Variants in CNTNAP2 observed in about 807,000 individuals in gnomAD.
CNTNAP2 encodes the protein contactin associated protein 2.
CNTNAP2 carries 98 observed loss-of-function variants against 155.2 expected under a neutral mutation model. The observed-to-expected ratio is 0.63, with a 90% confidence interval of 0.54 to 0.75. The LOEUF is 0.75. Among genes scored for constraint, CNTNAP2 ranks in the 30% least tolerant of loss-of-function variants. CNTNAP2 has a pLI of 0.00. For missense variants in CNTNAP2, 1,727 were observed against 1,688.1 expected (o/e 1.02, Z -0.40); for synonymous variants, 651 against 631.2 (o/e 1.03, Z -0.47).
chr7:148,064,213 G>A (rs1021787364), intron 15 of CNTNAP2, among the ~76,000 whole-genome samples: 1 of 151,952 alleles, frequency 6.6e-6, no homozygotes, highest in South Asian at 2.1e-4. Flanking sequence ...GGCCATGTGG[G>A]CTCTTTTTTA....
intron 1 of CNTNAP2, among the ~76,000 whole-genome samples, chr7:146,530,351 A>G (rs1404614360): frequency 6.6e-6 from 1 of 152,232 alleles, no homozygotes; most frequent in South Asian, 2.1e-4. Flanking sequence ...CATCAAAAGC[A>G]ATGACAGCAA....
chr7:146,712,363 T>C (rs1271785628), intron 1 of CNTNAP2, among the ~76,000 whole-genome samples: 1 of 143,772 alleles, frequency 7.0e-6, no homozygotes, highest in Non-Finnish European at 1.5e-5. Context: ...GTATACTATA[T>C]AGTATACATA....
intron 15 of CNTNAP2, among the ~76,000 whole-genome samples, chr7:148,083,031 T>C (rs959191624): frequency 3.9e-5 from 6 of 152,034 alleles, no homozygotes; most frequent in African/African-American, 9.7e-5. Flanking sequence ...TAGCTTTAGA[T>C]TCTGGGACAG....
chr7:146,158,214 C>G (rs1229768958), intron 1 of CNTNAP2, among the ~76,000 whole-genome samples: 1 of 152,138 alleles, frequency 6.6e-6, no homozygotes, highest in Non-Finnish European at 1.5e-5. Context: ...AAAGGACACC[C>G]ACACCAAAAC....
At chr7:148,232,816 C>A (rs544017769) in intron 20 of CNTNAP2, among the ~76,000 whole-genome samples, 359 of 152,308 alleles carry the variant, frequency 2.4e-3, no homozygotes, top group Middle Eastern at 0.01. Context: ...GGTTTACTTT[C>A]GTAGCTGGGT....
chr7:147,726,753 G>A (rs1335951269), intron 13 of CNTNAP2, among the ~76,000 whole-genome samples: 2 of 151,856 alleles, frequency 1.3e-5, no homozygotes, highest in Non-Finnish European at 2.9e-5. Context: ...ATACATTTCT[G>A]TTACATTAGG....
chr7:146,266,298 T>G (rs1257217934), intron 1 of CNTNAP2, among the ~76,000 whole-genome samples: 1 of 152,172 alleles, frequency 6.6e-6, no homozygotes, highest in Admixed American at 6.5e-5. Context: ...TGATCCTGAG[T>G]GTCTAGCCTT....
chr7:147,474,217 G>A (rs1392570249), intron 10 of CNTNAP2, among the ~76,000 whole-genome samples: 1 of 97,454 alleles, frequency 1.0e-5, no homozygotes, highest in Admixed American at 1.2e-4. Context: ...CACCACCCTG[G>A]GCCCAAGGAT....
chr7:147,452,439 T>C (rs1797848812), intron 10 of CNTNAP2, among the ~76,000 whole-genome samples: 4 of 152,152 alleles, frequency 2.6e-5, no homozygotes, highest in African/African-American at 9.7e-5. Context: ...ATAATGTACA[T>C]TGTTAGTAAA....
intron 13 of CNTNAP2, among the ~76,000 whole-genome samples, chr7:147,714,148 G>A (rs891433975): frequency 1.3e-5 from 2 of 152,040 alleles, no homozygotes; most frequent in Admixed American, 6.6e-5. Context: ...GTTCCCATTT[G>A]ATAAGGAAAA....
intron 1 of CNTNAP2, among the ~76,000 whole-genome samples, chr7:146,569,791 C>T (rs1798413867): frequency 6.6e-6 from 1 of 152,116 alleles, no homozygotes. Flanking sequence ...AAAGAGTTTC[C>T]TACAAGACAG....
intron 15 of CNTNAP2, among the ~76,000 whole-genome samples, chr7:148,081,557 A>G (rs1803604264): frequency 6.6e-6 from 1 of 151,952 alleles, no homozygotes; most frequent in Admixed American, 6.6e-5. Context: ...CTGGTTCTTC[A>G]GTTTTGGGAT....
intron 1 of CNTNAP2, among the ~76,000 whole-genome samples, chr7:146,526,035 A>T (rs573609897): frequency 4.4e-4 from 67 of 152,162 alleles, no homozygotes; most frequent in Non-Finnish European, 8.7e-4. Flanking sequence ...CATTTAATTG[A>T]GTGAAGCTTT....
intron 8 of CNTNAP2, among the ~76,000 whole-genome samples, chr7:147,297,897 T>C (rs1446583249): frequency 1.3e-5 from 2 of 152,198 alleles, no homozygotes. Flanking sequence ...TGCAGATATC[T>C]CTTCCGTGTA....
intron 1 of CNTNAP2, among the ~76,000 whole-genome samples, chr7:146,599,780 A>AGATAGATAGATAGATC (rs1187218415): frequency 3.3e-5 from 5 of 151,914 alleles, no homozygotes; most frequent in African/African-American, 7.3e-5. Context: ...ATAGATAGAT[A>AGATAGATAGATAGATC]GATCTCTAGT....
At chr7:147,746,898 T>A (rs892861322) in intron 13 of CNTNAP2, among the ~76,000 whole-genome samples, 3 of 152,182 alleles carry the variant, frequency 2.0e-5, no homozygotes, top group Non-Finnish European at 2.9e-5. Context: ...TAGTTAATGA[T>A]GCCTTGGGCT....
intron 10 of CNTNAP2, among the ~76,000 whole-genome samples, chr7:147,470,898 G>A (rs1299375201): frequency 6.6e-6 from 1 of 152,082 alleles, no homozygotes; most frequent in Non-Finnish European, 1.5e-5. Context: ...GCCCAAGGTC[G>A]AGCTCGGGGG....
At chr7:147,473,863 T>A (rs1394777740) in intron 10 of CNTNAP2, among the ~76,000 whole-genome samples, 2 of 152,154 alleles carry the variant, frequency 1.3e-5, no homozygotes, top group Admixed American at 1.3e-4. Flanking sequence ...GCAGATCACC[T>A]GAGGTCAGGA....
At chr7:146,667,653 G>A (rs966054782) in intron 1 of CNTNAP2, among the ~76,000 whole-genome samples, 23 of 151,590 alleles carry the variant, frequency 1.5e-4, no homozygotes, top group African/African-American at 5.6e-4. Context: ...TTTTTCATCA[G>A]TGTTTTGCAG....
Sources: gnomAD v4.1 joint callset for allele counts (sites outside exome capture counted in the v4.1 genomes callset) on GRCh38, gnomAD v4.1.1 for gene constraint, MANE v1.5 for transcripts, NCBI Gene and HGNC (gene_info 2026-07-23, HGNC 2026-07-21) for gene names.